GIGYF2: variants seen among roughly 807,000 people sequenced by gnomAD.
The protein encoded by GIGYF2 is GRB10-interacting GYF protein 2.
A neutral mutation model predicts 208.1 loss-of-function variants in GIGYF2; 25 were observed. That is an observed-to-expected ratio of 0.12 (90% CI 0.09 to 0.17). The LOEUF is 0.17. Ranked by LOEUF, GIGYF2 falls within the 10% of genes least tolerant of loss-of-function variation. GIGYF2 has a pLI of 1.00. For synonymous variants in GIGYF2, 534 were observed against 543.8 expected, an observed-to-expected ratio of 0.98 and a Z score of 0.25; for missense variants, 1,302 against 1,579.4, an observed-to-expected ratio of 0.82 and a Z score of 2.98.
At chr2:232,749,161 G>A (rs1698253634) in intron 5 of GIGYF2, 79 bp downstream of exon 5, 1 of 799,928 alleles carries the variant, frequency 1.3e-6, no homozygotes, top group Admixed American at 1.7e-5. Flanking sequence ...TACTATTTAT[G>A]CTCTAAGGAT....
chr2:232,741,201 T>C (rs2106304503), intron 3 of GIGYF2, among the ~76,000 whole-genome samples: 1 of 152,342 alleles, frequency 6.6e-6, no homozygotes. Flanking sequence ...TATTTCATCT[T>C]AATAGTATAT....
intron 2 of GIGYF2, among the ~76,000 whole-genome samples, chr2:232,733,404 A>G (rs557817592): frequency 1.3e-5 from 2 of 152,326 alleles, no homozygotes; most frequent in East Asian, 1.9e-4. Flanking sequence ...TGGTTGACAC[A>G]GGGCTGGAAG....
intron 14 of GIGYF2, among the ~76,000 whole-genome samples, chr2:232,796,721 A>G (rs1574895357): frequency 6.6e-6 from 1 of 152,156 alleles, no homozygotes; most frequent in East Asian, 1.9e-4. Flanking sequence ...AGCTCTGGAC[A>G]TGGTGGCAGG....
chr2:232,748,798 G>T (rs1698240877), intron 4 of GIGYF2, among the ~76,000 whole-genome samples, 189 bp from the exon 5 acceptor site: 1 of 152,012 alleles, frequency 6.6e-6, no homozygotes, highest in Non-Finnish European at 1.5e-5. Context: ...TATTGACTGG[G>T]GTTTTTAATA....
At chr2:232,813,233 G>A (rs1439486675) in intron 18 of GIGYF2, among the ~76,000 whole-genome samples, 1 of 142,504 alleles carries the variant, frequency 7.0e-6, no homozygotes, top group Non-Finnish European at 1.5e-5. Flanking sequence ...ACTGTTGCCC[G>A]GGCTAGAGTG....
intron 21 of GIGYF2, among the ~76,000 whole-genome samples, chr2:232,830,433 AT>A (rs200559740): frequency 4.0e-5 from 6 of 149,972 alleles, no homozygotes; most frequent in African/African-American, 4.9e-5. Flanking sequence ...TAAGACATAG[AT>A]TTTTTTTTTA....
At chr2:232,760,385 T>C in intron 6 of GIGYF2, 95 bp from the exon 7 acceptor site, 1 of 814,828 alleles carries the variant, frequency 1.2e-6, no homozygotes, top group Non-Finnish European at 2.1e-6. Context: ...TCCTGCCTTG[T>C]ATAGAGATAG....
At chr2:232,735,527 A>G (rs983668482) in intron 3 of GIGYF2, 7 of 342,232 alleles carry the variant, frequency 2.0e-5, no homozygotes, top group African/African-American at 8.6e-5. Context: ...GTCTAGGTGC[A>G]CATACAATTT....
At position 232,790,850 on chromosome 2, in the gene GIGYF2, T is replaced by C; in HGVS notation, c.865T>C (p.Cys289Arg). 6.2e-7 allele frequency: 1 copy of C among 1,614,122 alleles called. No individual in the cohort carries two copies. The highest frequency in any genetic ancestry group is 8.5e-7 in the Non-Finnish European group (1 of 1,179,994). ...TGACAGGGATAGCTTGCCCGAATGG[T>C]GCTTAGAGGATGCTGAAGAAGAAAT... ...DDDRDSLPEW[C>R]LEDAEEEMGT... is the part of the protein sequence containing the mutation. The change falls in exon 10 of 29, where the codon TGC becomes CGC. Residue 289 changes from cysteine (C) to arginine (R), a missense_variant. Around this residue, in one of 8 missense-constraint regions of GIGYF2, gnomAD observed 6 missense variants for 21.5 expected, o/e 0.28. Coordinates refer to ENST00000373563, the MANE Select transcript of GIGYF2 (RefSeq NM_001103146.3).
intron 3 of GIGYF2, 109 bp from the exon 4 acceptor site, chr2:232,747,506 T>C: frequency 1.7e-6 from 2 of 1,176,192 alleles, no homozygotes; most frequent in South Asian, 2.5e-5. Flanking sequence ...ATAGTAGGAT[T>C]TCTTTTTGCT....
chr2:232,722,363 C>T (rs1017881060), intron 2 of GIGYF2, among the ~76,000 whole-genome samples: 6 of 152,104 alleles, frequency 3.9e-5, no homozygotes, highest in South Asian at 2.1e-4. Flanking sequence ...CCAACCGAAG[C>T]GGGAAGAGCC....
At chr2:232,755,555 T>G (rs1698502555) in intron 5 of GIGYF2, among the ~76,000 whole-genome samples, 1 of 152,208 alleles carries the variant, frequency 6.6e-6, no homozygotes, top group African/African-American at 2.4e-5. Context: ...CCACTATCTC[T>G]TTTTACTTGA....
Position 232,748,314 on chromosome 2 carries a change from G to T in GIGYF2, c.171+570G>T, listed in dbSNP as rs1043125413. On this transcript the variant is annotated intron_variant, in intron 4 of 28. Coordinates refer to ENST00000373563, the MANE Select transcript of GIGYF2 (RefSeq NM_001103146.3). Reference sequence around the variant, plus strand: ...TACTTTTTTTTTGAGACAGAGTCTGGCTCAGTCACCCAGGCTGGAGTGCAG... The same window carrying T: ...TACTTTTTTTTTGAGACAGAGTCTGTCTCAGTCACCCAGGCTGGAGTGCAG... Among the ~76,000 whole-genome samples the T allele has an allele frequency of 7.9e-5, 12 of 152,038 alleles. 1 individual carries two copies. The highest frequency in any genetic ancestry group is 2.9e-4 in the African/African-American group (12 of 41,402).
chr2:232,757,603 AT>A (rs1020326505), intron 6 of GIGYF2, among the ~76,000 whole-genome samples: 1 of 151,954 alleles, frequency 6.6e-6, no homozygotes, highest in Middle Eastern at 3.4e-3. Flanking sequence ...CTGCTTGGGC[AT>A]TTCCTGTGTT....
chr2:232,730,289 T>A, intron 2 of GIGYF2: 1 of 623,490 alleles, frequency 1.6e-6, no homozygotes, highest in Non-Finnish European at 2.8e-6. Flanking sequence ...TATTCTTAGG[T>A]TTTTAAGAGT....
Position 232,806,675 on chromosome 2 carries a change from C to T in GIGYF2, c.1806+18C>T, listed in dbSNP as rs1700571792. ...CTCATATGGTAAGTACCTTTCACCTCACCTGGAATACATATTAGTCACGGA... is the reference window on the plus strand; with the variant it reads ...CTCATATGGTAAGTACCTTTCACCTTACCTGGAATACATATTAGTCACGGA... On this transcript the variant is annotated intron_variant, in intron 15 of 28. Transcript: ENST00000373563. This position sits in a 1 kb window ranked among gnomAD's most constrained non-coding sequence, Gnocchi z 4.0. The T allele has an allele frequency of 6.4e-7, 1 of 1,560,160 alleles. No homozygotes were observed. The highest frequency in any genetic ancestry group is 8.8e-7 in the Non-Finnish European group (1 of 1,130,910).
rs562261114 is a variant in GIGYF2 at position 232,801,551 on chromosome 2, C to T, written c.1640-4940C>T. On this transcript the variant is annotated intron_variant, in intron 14 of 28. Transcript: ENST00000373563. ...ATATACATTATATATTTGTTGTATA[C>T]GACATGATGTTTTTAAATACGCATA... is the stretch of plus-strand genomic sequence containing the variant. Among the ~76,000 whole-genome samples the T allele has an allele frequency of 4.6e-5, 7 of 152,194 alleles. No individual in the cohort carries two copies. In the East Asian group the frequency reaches 5.8e-4, roughly 13 times the overall value.
chr2:232,726,710 G>A (rs148970811), intron 2 of GIGYF2, among the ~76,000 whole-genome samples: 47 of 152,108 alleles, frequency 3.1e-4, no homozygotes, highest in African/African-American at 9.9e-4. Context: ...ACAAGATTTC[G>A]AAAGTACAAA....
At chr2:232,791,669 A>G (rs1416971878) in intron 12 of GIGYF2, among the ~76,000 whole-genome samples, 1 of 152,202 alleles carries the variant, frequency 6.6e-6, no homozygotes, top group Non-Finnish European at 1.5e-5. Flanking sequence ...GGAGCTCTGG[A>G]ATCTCATGTC....
Sources: allele counts gnomAD v4.1 joint callset (sites outside exome capture counted in the v4.1 genomes callset), GRCh38; gene constraint gnomAD v4.1.1; regional missense constraint gnomAD v4.1.1; non-coding constraint Gnocchi (gnomAD v3.1); transcripts MANE v1.5; gene names NCBI Gene and HGNC (gene_info 2026-07-23, HGNC 2026-07-21).